Variants in TNIP3 observed in about 807,000 individuals in gnomAD.
TNIP3 encodes TNFAIP3-interacting protein 3.
Under a neutral mutation model 54.1 loss-of-function variants are expected in TNIP3, and 34 were observed. The observed-to-expected ratio is 0.63, with a 90% confidence interval of 0.48 to 0.84. The LOEUF is 0.84. Among genes scored for constraint, TNIP3 ranks in the 40% least tolerant of loss-of-function variants. The pLI, the probability that TNIP3 is intolerant of heterozygous loss-of-function variation, is 0.00. For synonymous variants in TNIP3, 134 were observed against 136.8 expected, an observed-to-expected ratio of 0.98 and a Z score of 0.14; for missense variants, 366 against 387.6, an observed-to-expected ratio of 0.94 and a Z score of 0.47.
At chr4:121,169,236 A>G (rs1313799211), upstream of TNIP3, among the ~76,000 whole-genome samples, 1 of 152,088 alleles carries the variant, frequency 6.6e-6, no homozygotes, top group East Asian at 1.9e-4. Context: ...CCGTTAGTCC[A>G]TTCTGCGCCA....
intron 9 of TNIP3, among the ~76,000 whole-genome samples, chr4:121,140,706 T>G (rs1729065009): frequency 6.6e-6 from 1 of 152,064 alleles, no homozygotes; most frequent in African/African-American, 2.4e-5. Context: ...GACTTCTACA[T>G]TCTTGAAAAA....
chr4:121,162,136 C>A (rs1234208970), intron 1 of TNIP3, among the ~76,000 whole-genome samples: 1 of 152,154 alleles, frequency 6.6e-6, no homozygotes, highest in Non-Finnish European at 1.5e-5. Flanking sequence ...ATTTTCAAAA[C>A]ATGTTGTTGG....
upstream of TNIP3, chr4:121,216,750 C>T: frequency 1.5e-6 from 1 of 660,948 alleles, no homozygotes; most frequent in South Asian, 2.3e-5. Flanking sequence ...GGAAGAATCT[C>T]ATGACAGGGA....
At chr4:121,157,320 G>A (rs762531243) in intron 3 of TNIP3, 77 bp from the exon 4 acceptor site, 5 of 1,597,006 alleles carry the variant, frequency 3.1e-6, no homozygotes, top group Non-Finnish European at 4.3e-6. Flanking sequence ...CCCAGGCTAT[G>A]AACTTTGGCA....
chr4:121,164,090 A>T lies in TNIP3; in HGVS notation c.36T>A (p.Ile12=), dbSNP rs1357828525. ...AHFVQGTSRM[I]AAESSTEHKE... ...TATGCTCCGTAGAACTTTCTGCGGC[A>T]ATCATTCTAGATGTGCCCTGTACAA... The change falls in exon 1 of 11, where the codon ATT becomes ATA. Residue 12 remains isoleucine, a synonymous_variant. Coordinates refer to ENST00000057513, the MANE Select transcript of TNIP3 (RefSeq NM_024873.6). 2 of 1,613,678 alleles carry T rather than the reference A, an allele frequency of 1.2e-6. No individual in the cohort carries two copies. The highest frequency in any genetic ancestry group is 3.3e-5 in the Admixed American group (2 of 59,990).
At chr4:121,209,214 G>A (rs1418940833) in intron 2 of TNIP3, among the ~76,000 whole-genome samples, 2 of 152,200 alleles carry the variant, frequency 1.3e-5, no homozygotes, top group African/African-American at 4.8e-5. Context: ...TTCCTGAGTT[G>A]TATCTTAATA....
At chr4:121,172,269 C>T (rs996901922) in intron 3 of TNIP3, among the ~76,000 whole-genome samples, 20 of 152,072 alleles carry the variant, frequency 1.3e-4, no homozygotes, top group African/African-American at 4.6e-4. Context: ...GGAAGCAGAG[C>T]CAGAGATTTC....
chr4:121,216,381 A>ACGTCAAGG, intron 2 of TNIP3: 1 of 1,475,198 alleles, frequency 6.8e-7, no homozygotes, highest in South Asian at 1.2e-5. Flanking sequence ...TATTAGTATT[A>ACGTCAAGG]GAAGCATATA....
At chr4:121,206,354 A>T (rs959138111) in intron 2 of TNIP3, among the ~76,000 whole-genome samples, 2 of 152,132 alleles carry the variant, frequency 1.3e-5, no homozygotes, top group African/African-American at 2.4e-5. Context: ...TCCTTAACAC[A>T]ATTAGGAAGG....
intron 9 of TNIP3, among the ~76,000 whole-genome samples, chr4:121,140,953 C>A (rs954503098): frequency 6.6e-6 from 1 of 152,148 alleles, no homozygotes; most frequent in Non-Finnish European, 1.5e-5. Context: ...TTTTGAGTCA[C>A]ACTCGAACAA....
intron 2 of TNIP3, among the ~76,000 whole-genome samples, chr4:121,214,789 G>GT (rs1467196125): frequency 6.6e-6 from 1 of 152,114 alleles, no homozygotes; most frequent in African/African-American, 2.4e-5. Context: ...AATGACTCCT[G>GT]TGATGTAAAT....
intron 1 of TNIP3, among the ~76,000 whole-genome samples, chr4:121,162,111 G>A (rs1418060533): frequency 6.6e-6 from 1 of 152,136 alleles, no homozygotes; most frequent in East Asian, 1.9e-4. Context: ...AGCTATTTGT[G>A]AACCATTAAG....
chr4:121,146,953 C>T, intron 7 of TNIP3, 96 bp downstream of exon 7: 3 of 1,399,098 alleles, frequency 2.1e-6, no homozygotes, highest in Non-Finnish European at 2.9e-6. Flanking sequence ...AAAAAAAATT[C>T]AATGTCAATT....
intron 3 of TNIP3, among the ~76,000 whole-genome samples, chr4:121,181,974 A>G (rs1325663976): frequency 6.6e-6 from 1 of 152,224 alleles, no homozygotes; most frequent in East Asian, 1.9e-4. Flanking sequence ...TTATTTTTAT[A>G]AAGAAGTATA....
chr4:121,214,074 G>A (rs189515587), intron 2 of TNIP3, among the ~76,000 whole-genome samples: 42 of 152,284 alleles, frequency 2.8e-4, no homozygotes, highest in African/African-American at 1.0e-3. Flanking sequence ...ACTTCAATGA[G>A]AAAGGAGTCA....
upstream of TNIP3, among the ~76,000 whole-genome samples, chr4:121,165,302 A>G (rs923552762): frequency 6.6e-6 from 1 of 151,580 alleles, no homozygotes; most frequent in Non-Finnish European, 1.5e-5. Context: ...ATCCTGACTG[A>G]CCTCCCTTTC....
upstream of TNIP3, among the ~76,000 whole-genome samples, chr4:121,168,936 G>C (rs1730922413): frequency 6.6e-6 from 1 of 152,118 alleles, no homozygotes; most frequent in Non-Finnish European, 1.5e-5. Context: ...ATGTGACCTT[G>C]GGCAAGATGA....
At chr4:121,178,560 T>C (rs1724495342) in intron 3 of TNIP3, among the ~76,000 whole-genome samples, 1 of 152,150 alleles carries the variant, frequency 6.6e-6, no homozygotes, top group Admixed American at 6.5e-5. Flanking sequence ...CAGCAAACTT[T>C]GAGAAACAAG....
At chr4:121,210,904 C>T (rs190280515) in intron 2 of TNIP3, among the ~76,000 whole-genome samples, 5 of 152,068 alleles carry the variant, frequency 3.3e-5, no homozygotes, top group Admixed American at 1.3e-4. Flanking sequence ...TGTTCTAAAA[C>T]AAAGTATGAT....
Sources: allele counts gnomAD v4.1 joint callset (sites outside exome capture counted in the v4.1 genomes callset), GRCh38; gene constraint gnomAD v4.1.1; transcripts MANE v1.5; gene names NCBI Gene and HGNC (gene_info 2026-07-23, HGNC 2026-07-21).